Variants in KLRG2 observed in about 807,000 individuals in gnomAD.
KLRG2 encodes the protein killer cell lectin like receptor G2, also known as killer cell lectin-like receptor subfamily G member 2.
In KLRG2, 39 loss-of-function variants were observed where a neutral mutation model predicts 35.4. That is an observed-to-expected ratio of 1.10 (90% CI 0.85 to 1.44). The LOEUF is 1.44. Ranked by LOEUF, KLRG2 falls within the 40% of genes most tolerant of loss-of-function variation. KLRG2 has a pLI of 0.00. For missense variants in KLRG2, 632 were observed against 570.9 expected, an observed-to-expected ratio of 1.11 and a Z score of -1.09; for synonymous variants, 283 against 265.8, an observed-to-expected ratio of 1.06 and a Z score of -0.63.
chr7:139,453,453 A>G lies in KLRG2; in HGVS notation c.*134T>C, dbSNP rs985816891. 5 of 902,342 alleles carry G rather than the reference A, an allele frequency of 5.5e-6. No homozygotes were observed. In the Admixed American group the frequency reaches 1.1e-4, roughly 21 times the overall value. The allele number at this position is 902,342 out of a possible 1,614,324, so 55.9% of individuals were successfully genotyped here. A position where few individuals can be genotyped will look rare whatever the true frequency, so the allele number is the denominator to read the frequency against. ...TGAAGTCCAGCTCCTAGGCTCGCTC[A>G]TGTGGCCCCCTTGAGCAGAGCATGA... is the stretch of plus-strand genomic sequence containing the variant. On this transcript the variant is annotated 3_prime_UTR_variant, in exon 5 of 5. Transcript: ENST00000340940.
downstream of KLRG2, among the ~76,000 whole-genome samples, chr7:139,452,367 T>C (rs984461189): frequency 4.6e-5 from 7 of 152,126 alleles, no homozygotes; most frequent in Non-Finnish European, 4.4e-5. Flanking sequence ...AGTTGATGGG[T>C]GCAGCAAACC....
the KLRG2 span, among the ~76,000 whole-genome samples, chr7:139,433,320 TTG>T: frequency 5.1e-4 from 72 of 141,914 alleles, no homozygotes; most frequent in East Asian, 1.4e-3. Flanking sequence ...GGTTTTTTTT[TTG>T]TTTGTTTGTT....
chr7:139,470,224 A>T (rs1182477501), intron 3 of KLRG2, among the ~76,000 whole-genome samples: 2 of 151,778 alleles, frequency 1.3e-5, no homozygotes, highest in East Asian at 3.9e-4. Flanking sequence ...TGCCCAGCTA[A>T]TTTTTTTGTA....
intron 3 of KLRG2, among the ~76,000 whole-genome samples, chr7:139,456,415 G>A (rs2116429823): frequency 6.6e-6 from 1 of 151,962 alleles, no homozygotes; most frequent in East Asian, 1.9e-4. Context: ...ACCTAGGCTG[G>A]AGTGCAGTGG....
At chr7:139,450,473 G>A (rs192171064), downstream of KLRG2, among the ~76,000 whole-genome samples, 742 of 151,388 alleles carry the variant, frequency 4.9e-3, 3 homozygotes, top group African/African-American at 0.017. Context: ...TCTGCCCACC[G>A]TGGCCTCCCA....
rs571663828 is a variant in KLRG2, at chr7:139,471,909, A to G, written c.1005+7718T>C. ...TGTGTCTCAGAGAGGTGTGGATATG[A>G]CAGCCAAAGTGGGTGGGATAAAGGG... On this transcript the variant is annotated intron_variant, in intron 3 of 4. Coordinates refer to ENST00000340940, the MANE Select transcript of KLRG2 (RefSeq NM_198508.4). Among the ~76,000 whole-genome samples, 14 of 152,300 alleles carry G rather than the reference A, an allele frequency of 9.2e-5. No individual in the cohort carries two copies. The South Asian group carries it at 2.9e-3, about 32-fold the overall frequency.
Position 139,482,988 on chromosome 7 carries a change from A to G in KLRG2, c.655T>C (p.Cys219Arg). The change falls in exon 1 of 5, where the codon TGC becomes CGC. Residue 219 changes from cysteine (C) to arginine (R), a missense_variant. Coordinates refer to ENST00000340940, the MANE Select transcript of KLRG2 (RefSeq NM_198508.4). ...TCCAGCCCCAGCTCCTTGCAGCGGC[A>G]GCACGTGGGGGAGCCCGGGGAGCCG... Reference protein sequence around the residue: ...SAGSPGSPTCCRCKELGLEKE... With the variant: ...SAGSPGSPTCRRCKELGLEKE... The G allele has an allele frequency of 7.1e-7, 1 of 1,404,416 alleles. No homozygotes were observed. Among genetic ancestry groups the G allele is most frequent in the Non-Finnish European group, 9.2e-7 (1 of 1,088,234 alleles). 87.0% of individuals were successfully genotyped at this position (1,404,416 alleles called of 1,614,324 possible).
chr7:139,461,275 G>A (rs1796562716), intron 3 of KLRG2, among the ~76,000 whole-genome samples: 1 of 152,080 alleles, frequency 6.6e-6, no homozygotes, highest in African/African-American at 2.4e-5. Flanking sequence ...AGAAATGTGG[G>A]GGACACACCT....
chr7:139,430,576 A>G, the KLRG2 span, among the ~76,000 whole-genome samples: 405 of 152,342 alleles, frequency 2.7e-3, no homozygotes, highest in Middle Eastern at 6.8e-3. Flanking sequence ...CTTCTTACAA[A>G]TAAGCATATC....
At chr7:139,446,791 T>C in the KLRG2 span, among the ~76,000 whole-genome samples, 12,676 of 151,872 alleles carry the variant, frequency 0.083, 997 homozygotes, top group African/African-American at 0.21. Context: ...GCTTCTGACA[T>C]CCAACCTCCT....
At chr7:139,455,981 T>C (rs1035288819) in intron 3 of KLRG2, among the ~76,000 whole-genome samples, 2 of 151,454 alleles carry the variant, frequency 1.3e-5, no homozygotes, top group Non-Finnish European at 2.9e-5. Flanking sequence ...GTATAGAAAA[T>C]GTCATTATGC....
Position 139,483,233 on chromosome 7 carries a change from C to G in KLRG2, c.410G>C (p.Gly137Ala), listed in dbSNP as rs1797000206. 6.5e-7 allele frequency: 1 copy of G among 1,539,016 alleles called. No homozygotes were observed. Among genetic ancestry groups the G allele is most frequent in the Non-Finnish European group, 8.7e-7 (1 of 1,153,976 alleles). Residue 137 changes from glycine (G) to alanine (A), a missense_variant, in exon 1 of 5, where the codon GGT (glycine) becomes GCT (alanine). Physicochemically the swap from Gly to Ala is moderately conservative, Grantham distance 60. Transcript: ENST00000340940. ...DVRVKPVGAA[G>A]GSSTPSPRPS... Reference sequence around the variant, plus strand: ...CCTGGGCGATGGCGTGCTGCTGCCACCGGCCGCGCCCACGGGCTTCACGCG... The same window carrying G: ...CCTGGGCGATGGCGTGCTGCTGCCAGCGGCCGCGCCCACGGGCTTCACGCG...
intron 1 of KLRG2, among the ~76,000 whole-genome samples, chr7:139,482,404 T>C (rs904243701): frequency 1.3e-5 from 2 of 152,008 alleles, no homozygotes; most frequent in Non-Finnish European, 2.9e-5. Flanking sequence ...TTACTCTTTT[T>C]TTTTTGAGAC....
At chr7:139,463,056 G>A (rs776285362) in intron 3 of KLRG2, among the ~76,000 whole-genome samples, 3 of 152,162 alleles carry the variant, frequency 2.0e-5, no homozygotes, top group Non-Finnish European at 4.4e-5. Flanking sequence ...AGCCCTCCCC[G>A]ACCTGCCCAG....
chr7:139,430,766 T>C, the KLRG2 span, among the ~76,000 whole-genome samples: 1 of 152,124 alleles, frequency 6.6e-6, no homozygotes, highest in African/African-American at 2.4e-5. Flanking sequence ...CCCAGCACTT[T>C]GGGAGGCCGA....
At position 139,479,724 on chromosome 7, in the gene KLRG2, T is replaced by A; in HGVS notation, c.908A>T (p.His303Leu). The change falls in exon 3 of 5, where the codon CAC becomes CTC. Residue 303 changes from histidine to leucine, a missense_variant. His to Leu is a moderately conservative substitution (Grantham distance 99, BLOSUM62 -3). Coordinates refer to ENST00000340940, the MANE Select transcript of KLRG2 (RefSeq NM_198508.4). ...CGCTTCTGCAGAGAAGTAGTAACAG[T>A]GCTCCTCGGACAACACCCAGCCTGG... The part of the protein sequence containing the change: ...CPPGWVLSEE[H>L]CYYFSAEAQA... The A allele has an allele frequency of 6.2e-7, 1 of 1,614,066 alleles. No individual in the cohort carries two copies. Among genetic ancestry groups the A allele is most frequent in the Non-Finnish European group, 8.5e-7 (1 of 1,180,030 alleles).
At chr7:139,446,441 A>G in the KLRG2 span, among the ~76,000 whole-genome samples, 2 of 145,804 alleles carry the variant, frequency 1.4e-5, no homozygotes, top group Non-Finnish European at 3.0e-5. Flanking sequence ...CCTCCTGGGT[A>G]GAGAATCAAG....
the KLRG2 span, among the ~76,000 whole-genome samples, chr7:139,432,130 A>T: frequency 8.8e-4 from 134 of 152,064 alleles, no homozygotes; most frequent in Non-Finnish European, 1.4e-3. Context: ...CTAAGGCAGG[A>T]GGATTGCTTG....
At chr7:139,440,797 A>C in the KLRG2 span, among the ~76,000 whole-genome samples, 1 of 152,182 alleles carries the variant, frequency 6.6e-6, no homozygotes, top group African/African-American at 2.4e-5. Flanking sequence ...CACATTAATA[A>C]GTATTGGGAA....
Sources: allele counts gnomAD v4.1 joint callset (sites outside exome capture counted in the v4.1 genomes callset), GRCh38; gene constraint gnomAD v4.1.1; transcripts MANE v1.5; gene names NCBI Gene and HGNC (gene_info 2026-07-23, HGNC 2026-07-21).